NHSL2: variants seen among roughly 807,000 people sequenced by gnomAD.
The protein encoded by NHSL2 is NHS like 2.
A neutral mutation model predicts 53.4 loss-of-function variants in NHSL2; 27 were observed. That is an observed-to-expected ratio of 0.51 (90% CI 0.37 to 0.70). The LOEUF is 0.70. Ranked by LOEUF, NHSL2 falls within the 30% of genes least tolerant of loss-of-function variation. NHSL2 has a pLI of 0.00. For synonymous variants in NHSL2, 408 were observed against 404.1 expected (o/e 1.01, Z -0.12); for missense variants, 892 against 980.1 (o/e 0.91, Z 1.20).
At chrX:71,993,649 C>T (rs1339287845) in intron 1 of NHSL2, among the ~76,000 whole-genome samples, 2 of 111,500 alleles carry the variant, frequency 1.8e-5, no homozygotes, top group Non-Finnish European at 3.8e-5. Flanking sequence ...GCCAAGGATG[C>T]TCCGTCTTTA....
chrX:71,942,806 C>T (rs1483047514), intron 1 of NHSL2, among the ~76,000 whole-genome samples: 1 of 111,336 alleles, frequency 9.0e-6, no homozygotes, highest in African/African-American at 3.3e-5. Context: ...TTTTGCCCCC[C>T]ACCCCCAGAC....
chrX:71,949,223 G>A (rs2041808555), intron 1 of NHSL2, among the ~76,000 whole-genome samples: 2 of 111,209 alleles, frequency 1.8e-5, no homozygotes, highest in African/African-American at 6.6e-5. Context: ...ATAAAATGTT[G>A]GCACAGCTAT....
At chrX:71,925,234 C>T (rs192162018) in intron 1 of NHSL2, among the ~76,000 whole-genome samples, 99 of 111,529 alleles carry the variant, frequency 8.9e-4, no homozygotes, top group Admixed American at 2.4e-3. Flanking sequence ...TAGGATATAC[C>T]AGTGCCAAAT....
intron 1 of NHSL2, among the ~76,000 whole-genome samples, chrX:72,077,307 A>C (rs1325582356): frequency 9.1e-6 from 1 of 110,270 alleles, no homozygotes; most frequent in Non-Finnish European, 1.9e-5. Context: ...AATCTTGACT[A>C]TCCCAACCCT....
At chrX:72,005,696 G>C (rs759353513) in intron 1 of NHSL2, among the ~76,000 whole-genome samples, 2 of 111,393 alleles carry the variant, frequency 1.8e-5, no homozygotes, top group East Asian at 5.6e-4. Flanking sequence ...TTAGAACTGG[G>C]GAATCACGTT....
chrX:72,064,110 A>G (rs2042414195), intron 1 of NHSL2, among the ~76,000 whole-genome samples: 1 of 111,739 alleles, frequency 8.9e-6, no homozygotes, highest in African/African-American at 3.3e-5. Context: ...AGAGAAGTTT[A>G]TGTTTCAGGC....
At chrX:72,123,596 TCATCTGTATGATGCA>T (rs1406703684) in intron 1 of NHSL2, among the ~76,000 whole-genome samples, 1 of 111,964 alleles carries the variant, frequency 8.9e-6, no homozygotes, top group Non-Finnish European at 1.9e-5. Context: ...CCAACAGGCC[TCATCTGTATGATGCA>T]AGAGGTGAAG....
chrX:71,925,254 T>C (rs1258173992), intron 1 of NHSL2, among the ~76,000 whole-genome samples: 1 of 111,545 alleles, frequency 9.0e-6, no homozygotes, highest in Admixed American at 9.5e-5. Context: ...TTGACAGTGG[T>C]GTCTGGGCTG....
chrX:72,095,765 G>T (rs2041939036), intron 1 of NHSL2, among the ~76,000 whole-genome samples: 1 of 112,019 alleles, frequency 8.9e-6, no homozygotes, highest in African/African-American at 3.2e-5. Context: ...AATATGCTCT[G>T]CATTAACTCT....
chrX:72,010,771 G>A (rs1296375815), intron 1 of NHSL2, among the ~76,000 whole-genome samples: 2 of 112,063 alleles, frequency 1.8e-5, no homozygotes, highest in Non-Finnish European at 3.8e-5. Flanking sequence ...GAGGTCCCAT[G>A]TACCCTTCAC....
intron 1 of NHSL2, among the ~76,000 whole-genome samples, chrX:71,958,891 A>C (rs758994378): frequency 8.9e-6 from 1 of 112,326 alleles, no homozygotes; most frequent in East Asian, 2.8e-4. Context: ...AGAGAAGTTA[A>C]GCAACTGCCA....
At chrX:72,081,297 G>A (rs879095871) in intron 1 of NHSL2, among the ~76,000 whole-genome samples, 1 of 112,433 alleles carries the variant, frequency 8.9e-6, no homozygotes, top group Admixed American at 9.4e-5. Context: ...CAAAGCTGAG[G>A]TCTGTAGACA....
At chrX:72,093,721 GCTTTCTTT>G (rs545225009) in intron 1 of NHSL2, among the ~76,000 whole-genome samples, 7,949 of 95,250 alleles carry the variant, frequency 0.083, 323 homozygotes, top group Non-Finnish European at 0.11. Context: ...TAGCTTGCTT[GCTTTCTTT>G]CTTTCTTTCT....
chrX:72,139,754 C>G lies in NHSL2; in HGVS notation c.2206C>G (p.Pro736Ala). Residue 736 changes from proline (P) to alanine (A), a missense_variant, in exon 6 of 8, where the codon CCC (proline) becomes GCC (alanine). Coordinates refer to ENST00000633930, the MANE Select transcript of NHSL2 (RefSeq NM_001013627.3). Reference sequence around the variant, plus strand: ...CATGTCCCTGACCCTGGGCCACTTACCCCCTCCAAGCAGCAGTGTCCGGGT... The same window carrying G: ...CATGTCCCTGACCCTGGGCCACTTAGCCCCTCCAAGCAGCAGTGTCCGGGT... ...VSMSLTLGHL[P>A]PPSSSVRVRP... The G allele has an allele frequency of 8.3e-7, 1 of 1,210,787 alleles. No individual in the cohort carries two copies.
chrX:71,991,627 G>A (rs957576062), intron 1 of NHSL2, among the ~76,000 whole-genome samples: 1 of 112,606 alleles, frequency 8.9e-6, no homozygotes, highest in South Asian at 3.6e-4. Flanking sequence ...AGACTAGAAA[G>A]GACCAAGCAC....
At position 72,145,853 on chromosome X, in the gene NHSL2, A is replaced by G. The variant is rs1289740550; in HGVS notation, c.*2279A>G. 1 of 112,113 alleles carries G rather than the reference A, an allele frequency of 8.9e-6. No individual in the cohort carries two copies. The highest frequency in any genetic ancestry group is 3.2e-5 in the African/African-American group (1 of 30,813). The allele number at this position is 112,113 out of a possible 1,213,427, so 9.2% of individuals were successfully genotyped here. A position where few individuals can be genotyped will look rare whatever the true frequency, so the allele number is the denominator to read the frequency against. On this transcript the variant is annotated 3_prime_UTR_variant, in exon 8 of 8. Coordinates refer to ENST00000633930, the MANE Select transcript of NHSL2 (RefSeq NM_001013627.3). ...CTACCTCTGGAGGTTTTCCCAAAAG[A>G]TTCTGAACCTGAATTCTCAGACACC... is the stretch of plus-strand genomic sequence containing the variant.
intron 1 of NHSL2, among the ~76,000 whole-genome samples, chrX:71,964,055 A>ATGTGTG (rs1556312447): frequency 1.2e-5 from 1 of 81,742 alleles, no homozygotes; most frequent in Non-Finnish European, 2.3e-5. Context: ...ATATATATAT[A>ATGTGTG]TGTGTATATA....
intron 5 of NHSL2, among the ~76,000 whole-genome samples, chrX:72,137,516 A>C (rs1407630877): frequency 8.9e-6 from 1 of 112,220 alleles, no homozygotes; most frequent in Non-Finnish European, 1.9e-5. Context: ...AAATAGATGA[A>C]GAGAGAGGGT....
At position 71,912,795 on chromosome X, in the gene NHSL2, A is replaced by G. The variant is rs772709504; in HGVS notation, c.280+1428A>G. The stretch of plus-strand genomic sequence containing the variant: ...AGAAATTTGATAAGTCAGCTTGAGG[A>G]GTAGTTTTCAAAATCCCTACACAGT... On this transcript the variant is annotated intron_variant, in intron 1 of 7. Coordinates refer to ENST00000633930, the MANE Select transcript of NHSL2 (RefSeq NM_001013627.3). Among the ~76,000 whole-genome samples the G allele has an allele frequency of 5.4e-4, 60 of 111,845 alleles. 1 individual carries two copies. Among genetic ancestry groups the G allele is most frequent in the Non-Finnish European group, 3.8e-5 (2 of 53,119 alleles).
Sources: allele counts gnomAD v4.1 joint callset (sites outside exome capture counted in the v4.1 genomes callset), GRCh38; gene constraint gnomAD v4.1.1; transcripts MANE v1.5; gene names NCBI Gene and HGNC (gene_info 2026-07-23, HGNC 2026-07-21).